Variants in GATB observed in about 807,000 individuals in gnomAD.
The protein encoded by GATB is glutamyl-tRNA(Gln) amidotransferase subunit B, mitochondrial.
In GATB, 39 loss-of-function variants were observed where a neutral mutation model predicts 62.3. That is an observed-to-expected ratio of 0.63 (90% CI 0.48 to 0.82). The LOEUF (loss-of-function observed/expected upper bound fraction) is 0.82, where lower values mean the gene tolerates loss of function less well. Ranked by LOEUF, GATB falls within the 40% of genes least tolerant of loss-of-function variation. The pLI, the probability that GATB is intolerant of heterozygous loss-of-function variation, is 0.00. For synonymous variants in GATB, 276 were observed against 258.9 expected, an observed-to-expected ratio of 1.07 and a Z score of -0.63; for missense variants, 670 against 684.0, an observed-to-expected ratio of 0.98 and a Z score of 0.23.
At chr4:151,722,038 A>G (rs578154707) in intron 2 of GATB, 7 of 602,266 alleles carry the variant, frequency 1.2e-5, no homozygotes, top group African/African-American at 9.3e-5. Context: ...ATCAGTCATC[A>G]CACGTTACAG....
chr4:151,704,214 C>T (rs1218156771), intron 7 of GATB, among the ~76,000 whole-genome samples: 1 of 151,900 alleles, frequency 6.6e-6, no homozygotes, highest in Non-Finnish European at 1.5e-5. Context: ...AAAATTAAGG[C>T]CCAAGTTATC....
At chr4:151,690,953 C>T (rs1017832312) in intron 9 of GATB, among the ~76,000 whole-genome samples, 88 of 152,168 alleles carry the variant, frequency 5.8e-4, no homozygotes, top group African/African-American at 2.1e-3. Flanking sequence ...ACATGGGCTG[C>T]CCGCTCTGCT....
chr4:151,758,968 A>G (rs748394503), intron 1 of GATB, 46 bp from the exon 2 acceptor site: 5 of 1,401,308 alleles, frequency 3.6e-6, no homozygotes, highest in Non-Finnish European at 9.7e-7. Context: ...ATTTGTCACC[A>G]TGAATGAATT....
intron 2 of GATB, among the ~76,000 whole-genome samples, chr4:151,739,537 A>C (rs1739444705): frequency 6.6e-6 from 1 of 152,212 alleles, no homozygotes; most frequent in East Asian, 1.9e-4. Context: ...ACACACATAA[A>C]AATGGCCAAG....
chr4:151,754,491 C>T (rs1376477662), intron 2 of GATB, among the ~76,000 whole-genome samples: 1 of 152,032 alleles, frequency 6.6e-6, no homozygotes, highest in African/African-American at 2.4e-5. Flanking sequence ...CTATCGTCTA[C>T]CAAGTTCAAA....
chr4:151,710,089 C>A (rs1216768215), intron 5 of GATB, among the ~76,000 whole-genome samples: 7 of 152,192 alleles, frequency 4.6e-5, no homozygotes, highest in African/African-American at 1.7e-4. Context: ...CTGGCCTGCA[C>A]TGGTGGGTCC....
At chr4:151,710,343 T>A (rs907832374) in intron 5 of GATB, among the ~76,000 whole-genome samples, 3 of 152,224 alleles carry the variant, frequency 2.0e-5, no homozygotes, top group Non-Finnish European at 2.9e-5. Flanking sequence ...TCTTATTAAA[T>A]GAACAAACAA....
chr4:151,739,263 G>A (rs1284351606), intron 2 of GATB, among the ~76,000 whole-genome samples: 2 of 152,146 alleles, frequency 1.3e-5, no homozygotes. Flanking sequence ...GATGTACCCA[G>A]TGGTGAAAGG....
intron 2 of GATB, among the ~76,000 whole-genome samples, chr4:151,752,228 A>G (rs1739735059): frequency 6.6e-6 from 1 of 152,094 alleles, no homozygotes; most frequent in South Asian, 2.1e-4. Context: ...TGTAAGCTTT[A>G]GGACCTTAAC....
intron 2 of GATB, among the ~76,000 whole-genome samples, chr4:151,734,519 C>T (rs950462134): frequency 1.3e-5 from 2 of 152,072 alleles, no homozygotes; most frequent in Non-Finnish European, 2.9e-5. Flanking sequence ...GACCATAGTG[C>T]CAAAAGCAAT....
chr4:151,672,902 G>A lies in GATB; in HGVS notation c.1411-6C>T, dbSNP rs1234609489. ...TTCCACAGTTCCTCAAACACCTATG[G>A]ACCAGAGAAGGGAGAGGAAAGAGAA... On this transcript the variant is annotated splice_polypyrimidine_tract_variant and splice_region_variant and intron_variant, in intron 11 of 12. Transcript: ENST00000263985. The A allele has an allele frequency of 2.5e-6, 4 of 1,614,016 alleles. No homozygotes were observed. Among genetic ancestry groups the A allele is most frequent in the Non-Finnish European group, 3.4e-6 (4 of 1,179,896 alleles).
chr4:151,705,600 C>T (rs1031725148), intron 6 of GATB, among the ~76,000 whole-genome samples: 2 of 152,068 alleles, frequency 1.3e-5, no homozygotes, highest in East Asian at 1.9e-4. Context: ...TACCCAGGGC[C>T]CTTACCCTGG....
At chr4:151,693,220 G>A (rs1355424437) in intron 9 of GATB, among the ~76,000 whole-genome samples, 4 of 152,188 alleles carry the variant, frequency 2.6e-5, no homozygotes, top group Non-Finnish European at 5.9e-5. Context: ...TGCTAGTGCT[G>A]GGGATGGCAA....
At chr4:151,712,770 G>C (rs1011524596) in intron 5 of GATB, among the ~76,000 whole-genome samples, 1 of 152,152 alleles carries the variant, frequency 6.6e-6, no homozygotes, top group African/African-American at 2.4e-5. Context: ...TCCAGCACAG[G>C]CTGTTTTCGA....
chr4:151,743,857 A>C (rs1255630323), intron 2 of GATB, among the ~76,000 whole-genome samples: 1 of 152,248 alleles, frequency 6.6e-6, no homozygotes, highest in Non-Finnish European at 1.5e-5. Context: ...CAAAAGTGAT[A>C]ATCTGACTTT....
chr4:151,683,239 G>A (rs1167222012), intron 10 of GATB, among the ~76,000 whole-genome samples: 1 of 152,110 alleles, frequency 6.6e-6, no homozygotes, highest in Non-Finnish European at 1.5e-5. Context: ...CCTACCCTGT[G>A]TAAGCACATG....
chr4:151,704,178 A>G (rs957901226), intron 7 of GATB, among the ~76,000 whole-genome samples: 3 of 151,698 alleles, frequency 2.0e-5, no homozygotes, highest in African/African-American at 7.3e-5. Context: ...TGCTTTAAGT[A>G]TACAATGCTC....
chr4:151,681,079 TG>T (rs1738128746), intron 10 of GATB, among the ~76,000 whole-genome samples: 1 of 152,222 alleles, frequency 6.6e-6, no homozygotes, highest in African/African-American at 2.4e-5. Context: ...ATTTAAGTCT[TG>T]GTTCCCATCA....
chr4:151,694,632 T>C (rs772519362), intron 9 of GATB, among the ~76,000 whole-genome samples: 4 of 152,250 alleles, frequency 2.6e-5, no homozygotes, highest in Non-Finnish European at 5.9e-5. Flanking sequence ...CTGATGATGT[T>C]GACCAAATAG....
Sources: allele counts gnomAD v4.1 joint callset (sites outside exome capture counted in the v4.1 genomes callset), GRCh38; gene constraint gnomAD v4.1.1; transcripts MANE v1.5; gene names NCBI Gene and HGNC (gene_info 2026-07-23, HGNC 2026-07-21).